The following PDE4B variants were observed in gnomAD, a reference collection of about 807,000 sequenced individuals.
PDE4B encodes phosphodiesterase 4B, also known as 3',5'-cyclic-AMP phosphodiesterase 4B.
A neutral mutation model predicts 82.2 loss-of-function variants in PDE4B; 20 were observed. The ratio of observed to expected loss-of-function variants is 0.24; its 90% CI spans 0.17 to 0.35. PDE4B has a LOEUF of 0.35. Ranked by LOEUF, PDE4B falls within the 10% of genes least tolerant of loss-of-function variation. PDE4B has a pLI of 1.00. For missense variants in PDE4B, 655 were observed against 907.2 expected (o/e 0.72, Z 3.57); for synonymous variants, 320 against 318.9 (o/e 1.00, Z -0.04).
chr1:65,976,257 C>A (rs71649205), intron 3 of PDE4B, among the ~76,000 whole-genome samples: 2,645 of 152,282 alleles, frequency 0.017, 39 homozygotes, highest in South Asian at 0.027. Flanking sequence ...ATTTAATGAC[C>A]ACCCTGCTGG....
intron 7 of PDE4B, among the ~76,000 whole-genome samples, chr1:66,305,425 AAAC>A (rs1367387184): frequency 6.6e-6 from 1 of 152,202 alleles, no homozygotes; most frequent in Non-Finnish European, 1.5e-5. Flanking sequence ...AATTTCAGAT[AAAC>A]AACAGGTAAT....
Position 66,187,979 on chromosome 1 carries a change from TA to T in PDE4B, c.282-59478del, listed in dbSNP as rs1647333696. On this transcript the variant is annotated intron_variant, in intron 3 of 16. Transcript: ENST00000341517. ...TTTCTCTTGTGGGCATTTAGTGCTATAAATTTCCCTCTACACACTGCTTTGA... is the reference window on the plus strand; with the variant it reads ...TTTCTCTTGTGGGCATTTAGTGCTATAATTTCCCTCTACACACTGCTTTGA... Among the ~76,000 whole-genome samples, 3 of 149,106 alleles carry T rather than the reference TA, an allele frequency of 2.0e-5. No homozygotes were observed. The South Asian group carries it at 6.6e-4, about 33-fold the overall frequency.
chr1:66,104,773 T>A (rs1336519343), intron 3 of PDE4B, among the ~76,000 whole-genome samples: 1 of 150,268 alleles, frequency 6.7e-6, no homozygotes, highest in African/African-American at 2.4e-5. Flanking sequence ...TTCGCCCACT[T>A]TTTGATGGGG....
intron 3 of PDE4B, among the ~76,000 whole-genome samples, chr1:66,017,528 C>A (rs1652847110): frequency 6.6e-6 from 1 of 152,116 alleles, no homozygotes; most frequent in African/African-American, 2.4e-5. Flanking sequence ...GTCAAAATTG[C>A]ATATAGGATC....
chr1:66,214,943 C>T (rs1004175995), intron 3 of PDE4B, among the ~76,000 whole-genome samples: 7 of 152,022 alleles, frequency 4.6e-5, no homozygotes, highest in East Asian at 1.9e-4. Flanking sequence ...AGGAATTAGA[C>T]AGAAGTAGAA....
chr1:66,206,764 G>A (rs901333390), intron 3 of PDE4B, among the ~76,000 whole-genome samples: 5 of 152,178 alleles, frequency 3.3e-5, no homozygotes, highest in Non-Finnish European at 7.3e-5. Flanking sequence ...GGAACACAGA[G>A]TATGGACCTG....
At position 66,339,757 on chromosome 1, in the gene PDE4B, G is replaced by T. The variant is rs1039866084; in HGVS notation, c.747+7137G>T. ...AGTCTTCAAAAATAGAATTCAACCC[G>T]TTAGCAGAATAAATGTTTAGTCTCC... On this transcript the variant is annotated intron_variant, in intron 8 of 16. Coordinates refer to ENST00000341517, the MANE Select transcript of PDE4B (RefSeq NM_002600.4). 5.9e-5 allele frequency among the ~76,000 whole-genome samples: 9 copies of T among 151,698 alleles called. 3 individuals carry two copies. Among genetic ancestry groups the T allele is most frequent in the Admixed American group, 6.6e-5 (1 of 15,260 alleles).
At chr1:66,103,781 A>C (rs1320379975) in intron 3 of PDE4B, among the ~76,000 whole-genome samples, 1 of 152,136 alleles carries the variant, frequency 6.6e-6, no homozygotes. Context: ...TCTCTGAATG[A>C]AATTCACTTT....
chr1:66,137,090 C>T (rs977716615), intron 3 of PDE4B, among the ~76,000 whole-genome samples: 3 of 152,048 alleles, frequency 2.0e-5, no homozygotes, highest in African/African-American at 7.2e-5. Flanking sequence ...ATATTAGATA[C>T]AGGAGATGTG....
At chr1:66,262,258 A>G (rs1015681743) in intron 6 of PDE4B, among the ~76,000 whole-genome samples, 28 of 152,238 alleles carry the variant, frequency 1.8e-4, no homozygotes, top group African/African-American at 5.8e-4. Flanking sequence ...AAATTTCCTC[A>G]GATGAAGTGA....
chr1:66,045,382 T>C (rs548884824), intron 3 of PDE4B, among the ~76,000 whole-genome samples: 43 of 151,908 alleles, frequency 2.8e-4, no homozygotes, highest in African/African-American at 9.9e-4. Flanking sequence ...GAGCTAATGC[T>C]GATTCCCAAA....
intron 3 of PDE4B, among the ~76,000 whole-genome samples, chr1:66,038,112 G>A (rs1654164387): frequency 1.3e-5 from 2 of 152,110 alleles, no homozygotes; most frequent in Admixed American, 1.3e-4. Context: ...ACTGGTATGG[G>A]ACATAATTAC....
At chr1:66,104,757 A>G (rs556545854) in intron 3 of PDE4B, among the ~76,000 whole-genome samples, 113 of 149,794 alleles carry the variant, frequency 7.5e-4, no homozygotes, top group African/African-American at 2.7e-3. Context: ...GTGTCTGTTC[A>G]TGTCCTTCGC....
At chr1:66,159,563 G>A (rs1374238867) in intron 3 of PDE4B, among the ~76,000 whole-genome samples, 5 of 152,112 alleles carry the variant, frequency 3.3e-5, no homozygotes, top group African/African-American at 1.2e-4. Context: ...TTTTAAAAAG[G>A]AGAGAAAATT....
intron 3 of PDE4B, among the ~76,000 whole-genome samples, chr1:65,972,228 T>C (rs1405483746): frequency 1.3e-5 from 2 of 152,178 alleles, no homozygotes; most frequent in Non-Finnish European, 2.9e-5. Flanking sequence ...AGATAGCCAG[T>C]TGTTTTGGGA....
intron 1 of PDE4B, among the ~76,000 whole-genome samples, chr1:65,824,484 A>G (rs1645991978): frequency 1.3e-5 from 2 of 152,058 alleles, no homozygotes; most frequent in Non-Finnish European, 2.9e-5. Flanking sequence ...CATAAAAAAT[A>G]TTGACAGTGC....
intron 3 of PDE4B, among the ~76,000 whole-genome samples, chr1:65,944,831 T>A (rs572455011): frequency 3.3e-5 from 5 of 152,076 alleles, no homozygotes; most frequent in Admixed American, 1.3e-4. Flanking sequence ...CTAGTAGTCC[T>A]GGTTCTTACA....
rs1009490019 is a variant in PDE4B at position 66,372,980 on chromosome 1, TAA to T, written c.*303_*304del. On this transcript the variant is annotated 3_prime_UTR_variant, in exon 17 of 17. Coordinates refer to ENST00000341517, the MANE Select transcript of PDE4B (RefSeq NM_002600.4). ...ACAAAACTGAGAGATCATTCTGCAC[TAA>T]GTTTCGGGAACTTATCCCCGACAGT... The T allele has an allele frequency of 3.5e-6, 1 of 282,716 alleles. No individual in the cohort carries two copies. Among genetic ancestry groups the T allele is most frequent in the African/African-American group, 2.1e-5 (1 of 47,028 alleles). The allele number at this position is 282,716 out of a possible 1,614,324, so 17.5% of individuals were successfully genotyped here. A position where few individuals can be genotyped will look rare whatever the true frequency, so the allele number is the denominator to read the frequency against.
rs1214770775 is a variant in PDE4B, at chr1:65,817,984, C to A, written c.-71+24736C>A. On this transcript the variant is annotated intron_variant, in intron 1 of 16. Transcript: ENST00000341517. ...CTTTTATCAGATACAAATATAGGGCCTCTTCTGCTCTAGTTGTCAAAAAAA... is the reference window on the plus strand; with the variant it reads ...CTTTTATCAGATACAAATATAGGGCATCTTCTGCTCTAGTTGTCAAAAAAA... 2.6e-5 allele frequency among the ~76,000 whole-genome samples: 4 copies of A among 152,094 alleles called. No individual in the cohort carries two copies. In the East Asian group the frequency reaches 7.7e-4, roughly 29 times the overall value.
Sources: gnomAD v4.1 joint callset for allele counts (sites outside exome capture counted in the v4.1 genomes callset) on GRCh38, gnomAD v4.1.1 for gene constraint, MANE v1.5 for transcripts, NCBI Gene and HGNC (gene_info 2026-07-23, HGNC 2026-07-21) for gene names.